CMKLR2: variants seen among roughly 807,000 people sequenced by gnomAD.
The protein encoded by CMKLR2 is chemerin chemokine-like receptor 2.
In CMKLR2, 18 loss-of-function variants were observed where a neutral mutation model predicts 23.0. That is an observed-to-expected ratio of 0.78 (90% CI 0.54 to 1.16). The LOEUF is 1.16. CMKLR2 is among the 50% of genes most tolerant of loss of function. The probability of loss-of-function intolerance (pLI) is 0.00; values close to 1 mark genes in which losing one functional copy is unlikely to be tolerated. For missense variants in CMKLR2, 401 were observed against 412.7 expected (o/e 0.97, Z 0.25); for synonymous variants, 158 against 158.9 (o/e 0.99, Z 0.05).
intron 1 of CMKLR2, among the ~76,000 whole-genome samples, chr2:206,181,436 T>C (rs1688409143): frequency 6.6e-6 from 1 of 152,008 alleles, no homozygotes; most frequent in Non-Finnish European, 1.5e-5. Context: ...CAAGGATTCC[T>C]CCCAACTCAG....
intron 1 of CMKLR2, among the ~76,000 whole-genome samples, chr2:206,204,924 AAAG>A (rs1689256882): frequency 6.6e-6 from 1 of 152,238 alleles, no homozygotes; most frequent in Non-Finnish European, 1.5e-5. Context: ...TTTTGCAGCA[AAAG>A]ATTTGTGTAG....
At chr2:206,179,921 A>T (rs975378677) in intron 1 of CMKLR2, among the ~76,000 whole-genome samples, 3 of 152,166 alleles carry the variant, frequency 2.0e-5, no homozygotes, top group Non-Finnish European at 4.4e-5. Context: ...TCTCAAATTC[A>T]ATTTGACTAT....
At chr2:206,198,502 T>C (rs1356816461) in intron 1 of CMKLR2, among the ~76,000 whole-genome samples, 1 of 152,206 alleles carries the variant, frequency 6.6e-6, no homozygotes, top group Non-Finnish European at 1.5e-5. Context: ...TTCTAGCTCT[T>C]TTATTACTCT....
intron 1 of CMKLR2, among the ~76,000 whole-genome samples, chr2:206,184,061 C>T (rs905500663): frequency 6.6e-6 from 1 of 152,196 alleles, no homozygotes; most frequent in East Asian, 1.9e-4. Context: ...CCTGGAACAT[C>T]TTTTCCATGG....
At chr2:206,188,029 A>C (rs965708829) in intron 1 of CMKLR2, among the ~76,000 whole-genome samples, 2 of 152,080 alleles carry the variant, frequency 1.3e-5, no homozygotes, top group African/African-American at 4.8e-5. Flanking sequence ...AAGTATGAAA[A>C]ATCAAGTGCT....
At chr2:206,177,297 G>C (rs1314993656) in intron 1 of CMKLR2, 22 bp from the exon 2 acceptor site, 12 of 1,164,762 alleles carry the variant, frequency 1.0e-5, no homozygotes, top group Non-Finnish European at 1.5e-5. Flanking sequence ...AATTTAAAAA[G>C]AAAGAAAAAA....
intron 1 of CMKLR2, among the ~76,000 whole-genome samples, chr2:206,205,030 A>G (rs921858028): frequency 9.2e-5 from 14 of 152,194 alleles, no homozygotes; most frequent in African/African-American, 2.4e-4. Flanking sequence ...TGGCTAAAGA[A>G]GCAATCAGTT....
intron 1 of CMKLR2, among the ~76,000 whole-genome samples, chr2:206,208,660 G>A (rs184628953): frequency 1.2e-3 from 172 of 148,780 alleles, no homozygotes; most frequent in Non-Finnish European, 1.9e-3. Flanking sequence ...TTTTTTTCCA[G>A]GCAGGGTCTC....
At chr2:206,200,354 C>G (rs528928086) in intron 1 of CMKLR2, among the ~76,000 whole-genome samples, 6 of 152,122 alleles carry the variant, frequency 3.9e-5, no homozygotes, top group African/African-American at 1.4e-4. Context: ...ACCTGGGAGG[C>G]GGAGGATGCG....
intron 1 of CMKLR2, among the ~76,000 whole-genome samples, chr2:206,180,734 C>CATTATTATT (rs58356678): frequency 0.16 from 20,763 of 130,202 alleles, 1,950 homozygotes; most frequent in East Asian, 0.34. Context: ...GTGCCCAGCC[C>CATTATTATT]ATTATTATTA....
intron 1 of CMKLR2, 101 bp from the exon 2 acceptor site, chr2:206,177,376 A>T: frequency 3.2e-6 from 2 of 627,924 alleles, no homozygotes; most frequent in Non-Finnish European, 5.5e-6. Flanking sequence ...CAGGTTATGG[A>T]CCAGACATAG....
At chr2:206,184,319 C>G (rs547373300) in intron 1 of CMKLR2, among the ~76,000 whole-genome samples, 7 of 141,722 alleles carry the variant, frequency 4.9e-5, no homozygotes, top group Non-Finnish European at 1.1e-4. Flanking sequence ...TTTTTTAAGA[C>G]AGGTTTCGCT....
chr2:206,193,106 T>C (rs1313883609), intron 1 of CMKLR2, among the ~76,000 whole-genome samples: 2 of 152,182 alleles, frequency 1.3e-5, no homozygotes, highest in Non-Finnish European at 2.9e-5. Context: ...AACTGTGTTT[T>C]CTTTTTTTTT....
At chr2:206,191,985 C>T (rs1378500085) in intron 1 of CMKLR2, among the ~76,000 whole-genome samples, 4 of 151,830 alleles carry the variant, frequency 2.6e-5, no homozygotes, top group African/African-American at 4.8e-5. Context: ...GGATTACAGG[C>T]GCACACCACC....
intron 1 of CMKLR2, among the ~76,000 whole-genome samples, chr2:206,191,275 A>G (rs1477148086): frequency 6.6e-6 from 1 of 152,192 alleles, no homozygotes; most frequent in Admixed American, 6.5e-5. Context: ...GGAAATCCTT[A>G]AAAAGTGGTT....
intron 1 of CMKLR2, among the ~76,000 whole-genome samples, chr2:206,206,531 G>GAT (rs1457262533): frequency 1.3e-5 from 2 of 152,212 alleles, no homozygotes; most frequent in Admixed American, 6.5e-5. Flanking sequence ...GGTACTTTTA[G>GAT]ATGTTACTTC....
intron 1 of CMKLR2, among the ~76,000 whole-genome samples, chr2:206,197,146 G>C (rs1050716805): frequency 6.6e-6 from 1 of 152,158 alleles, no homozygotes; most frequent in African/African-American, 2.4e-5. Context: ...TTGACCTCGT[G>C]ATCTGCCTGC....
intron 1 of CMKLR2, among the ~76,000 whole-genome samples, chr2:206,193,931 T>C (rs1212704086): frequency 6.6e-6 from 1 of 152,228 alleles, no homozygotes; most frequent in Non-Finnish European, 1.5e-5. Context: ...TCATTGTCAG[T>C]GACATTGATA....
chr2:206,208,742 C>G (rs1290133588), intron 1 of CMKLR2, among the ~76,000 whole-genome samples: 1 of 151,856 alleles, frequency 6.6e-6, no homozygotes, highest in Non-Finnish European at 1.5e-5. Context: ...CAGGCTCCAA[C>G]AATCCTCCTG....
Sources: allele counts gnomAD v4.1 joint callset (sites outside exome capture counted in the v4.1 genomes callset), GRCh38; gene constraint gnomAD v4.1.1; transcripts MANE v1.5; gene names NCBI Gene and HGNC (gene_info 2026-07-23, HGNC 2026-07-21).